The following PDXDC1 variants were observed in gnomAD, a reference collection of about 807,000 sequenced individuals.
PDXDC1 encodes pyridoxal-dependent decarboxylase domain-containing protein 1.
In PDXDC1, 42 loss-of-function variants were observed where a neutral mutation model predicts 100.1. The ratio of observed to expected loss-of-function variants is 0.42; its 90% CI spans 0.33 to 0.54. The LOEUF (loss-of-function observed/expected upper bound fraction) is 0.54. PDXDC1 is among the 20% of genes least tolerant of loss of function. The pLI is 0.10. For synonymous variants in PDXDC1, 260 were observed against 371.7 expected (o/e 0.70, Z 3.46); for missense variants, 636 against 979.2 (o/e 0.65, Z 4.68).
chr16:14,989,116 TC>T (rs1970100175), intron 1 of PDXDC1: 4 of 1,614,172 alleles, frequency 2.5e-6, no homozygotes, highest in Middle Eastern at 1.6e-4. Flanking sequence ...TCAGTGATCT[TC>T]ATTTCCACTC....
chr16:15,028,952 G>C lies in PDXDC1; in HGVS notation c.1279G>C (p.Ala427Pro), dbSNP rs376738752. ...GVGRERHSCD[A>P]LNRWLGEQLK... is the part of the protein sequence containing the mutation. ...CGGCCGGGAGAGGCACTCGTGTGAC[G>C]CGCTGAATCGCTGGGTGAGAATGGC... Residue 427 changes from alanine (A) to proline (P), a missense_variant, in exon 15 of 23, where the codon GCG (alanine) becomes CCG (proline). Ala to Pro is a conservative substitution (Grantham distance 27, BLOSUM62 -1). Transcript: ENST00000396410. The C allele has an allele frequency of 9.9e-6, 16 of 1,612,996 alleles. No individual in the cohort carries two copies. The African/African-American group carries it at 2.1e-4, about 22-fold the overall frequency.
At chr16:14,983,166 A>C (rs1469316870) in intron 1 of PDXDC1, among the ~76,000 whole-genome samples, 1 of 152,286 alleles carries the variant, frequency 6.6e-6, no homozygotes, top group Admixed American at 6.5e-5. Flanking sequence ...CTGAAAAAAA[A>C]ACTTTGTTGA....
intron 15 of PDXDC1, 70 bp from the exon 16 acceptor site, chr16:15,029,881 G>A (rs2042927131): frequency 1.4e-6 from 2 of 1,413,180 alleles, no homozygotes; most frequent in Admixed American, 2.0e-5. Context: ...GGGCCGAGGG[G>A]ATGAGGGTGG....
intron 16 of PDXDC1, among the ~76,000 whole-genome samples, chr16:15,069,286 G>A (rs1272313885): frequency 1.3e-5 from 2 of 152,142 alleles, no homozygotes; most frequent in Non-Finnish European, 2.9e-5. Context: ...CTACAGTGCA[G>A]AGGACAGCCC....
intron 16 of PDXDC1, among the ~76,000 whole-genome samples, chr16:15,050,147 GTGTT>G (rs767650714): frequency 3.9e-5 from 6 of 152,292 alleles, no homozygotes; most frequent in South Asian, 2.1e-4. Context: ...AATAATCTGA[GTGTT>G]TGTACACACT....
chr16:15,106,628 A>G (rs1288465675), intron 16 of PDXDC1, among the ~76,000 whole-genome samples: 3 of 148,784 alleles, frequency 2.0e-5, no homozygotes, highest in South Asian at 2.2e-4. Context: ...GGTGGCAGGC[A>G]CCTGTAAGCC....
intron 4 of PDXDC1, among the ~76,000 whole-genome samples, chr16:15,003,065 T>C (rs1834163515): frequency 6.6e-6 from 1 of 152,250 alleles, no homozygotes; most frequent in Non-Finnish European, 1.5e-5. Flanking sequence ...TTTACAGTTA[T>C]TCTTTATAAG....
Position 14,999,326 on chromosome 16 carries a change from CAA to C in PDXDC1, c.161+923_161+924del, listed in dbSNP as rs1464207419. Among the ~76,000 whole-genome samples the C allele has an allele frequency of 7.9e-5, 12 of 152,346 alleles. No homozygotes were observed. The East Asian group carries it at 2.1e-3, about 27-fold the overall frequency. ...AGGTGATCCGCCTGCCTTAGCCTCTCAAAGTGCTGGGACTACAGGCATAAGCC... is the reference window on the plus strand; with the variant it reads ...AGGTGATCCGCCTGCCTTAGCCTCTCAGTGCTGGGACTACAGGCATAAGCC... On this transcript the variant is annotated intron_variant, in intron 3 of 22. Transcript: ENST00000396410.
Position 15,076,423 on chromosome 16 carries a change from T to C in PDXDC1, c.1399+46367T>C, listed in dbSNP as rs372773659. ...AAATGACATGGCAGCAAATTACTCA[T>C]ATAAGGAATCGTTTTCAAGTTTGCT... On this transcript the variant is annotated intron_variant, in intron 16 of 16. Transcript: ENST00000535621. The C allele has an allele frequency of 3.4e-5, 24 of 705,204 alleles. 1 individual carries two copies. Among genetic ancestry groups the C allele is most frequent in the Admixed American group, 2.3e-4 (11 of 47,286 alleles). The allele number at this position is 705,204 out of a possible 1,614,324, so 43.7% of individuals were successfully genotyped here. A position where few individuals can be genotyped will look rare whatever the true frequency, so the allele number is the denominator to read the frequency against.
chr16:15,000,516 G>A (rs1179023516), intron 3 of PDXDC1, among the ~76,000 whole-genome samples: 2 of 152,274 alleles, frequency 1.3e-5, no homozygotes, highest in African/African-American at 4.8e-5. Flanking sequence ...TTTTGATGGC[G>A]CTTCCTTTGT....
chr16:15,050,710 T>A (rs2044260300), intron 16 of PDXDC1, among the ~76,000 whole-genome samples: 1 of 151,566 alleles, frequency 6.6e-6, no homozygotes, highest in Non-Finnish European at 1.5e-5. Context: ...CCAGCCTGGG[T>A]GACAGACCAA....
the PDXDC1 span, among the ~76,000 whole-genome samples, chr16:15,148,077 C>T: frequency 6.6e-6 from 1 of 151,676 alleles, no homozygotes; most frequent in African/African-American, 2.4e-5. Flanking sequence ...CAGTCTCAAC[C>T]TCATAGACTC....
intron 1 of PDXDC1, among the ~76,000 whole-genome samples, chr16:14,980,307 T>A (rs1967664090): frequency 6.6e-6 from 1 of 152,278 alleles, no homozygotes; most frequent in South Asian, 2.1e-4. Context: ...TATAATTTTT[T>A]TTTTTTGAGA....
intron 16 of PDXDC1, chr16:15,123,641 T>G (rs2047549666): frequency 1.7e-6 from 1 of 571,980 alleles, no homozygotes; most frequent in East Asian, 2.8e-5. Context: ...TAACCTGACT[T>G]ATTTTGTTCC....
At chr16:15,151,946 A>C in the PDXDC1 span, among the ~76,000 whole-genome samples, 3 of 142,084 alleles carry the variant, frequency 2.1e-5, no homozygotes, top group South Asian at 4.4e-4. Flanking sequence ...AAAAAAAAAA[A>C]AAAAAAACAC....
chr16:15,145,088 C>A, the PDXDC1 span, among the ~76,000 whole-genome samples: 1 of 152,200 alleles, frequency 6.6e-6, no homozygotes, highest in Admixed American at 6.5e-5. Flanking sequence ...AGAGGCCCTC[C>A]TCCTCCCCCA....
At chr16:15,073,201 C>T in intron 16 of PDXDC1, 1 of 1,133,184 alleles carries the variant, frequency 8.8e-7, no homozygotes, top group Non-Finnish European at 1.3e-6. Context: ...CACAGTGGCT[C>T]CTGCCTGCAA....
intron 16 of PDXDC1, chr16:15,092,664 T>G: frequency 8.5e-7 from 1 of 1,169,742 alleles, no homozygotes; most frequent in Non-Finnish European, 1.3e-6. Context: ...ATAATAAAAA[T>G]TATAATAGCC....
chr16:15,092,380 CTAT>C (rs1287970570), intron 16 of PDXDC1: 23 of 677,158 alleles, frequency 3.4e-5, no homozygotes, highest in Admixed American at 2.5e-4. Flanking sequence ...CGGCATCATG[CTAT>C]TATTAAATAT....
Sources: allele counts gnomAD v4.1 joint callset (sites outside exome capture counted in the v4.1 genomes callset), GRCh38; gene constraint gnomAD v4.1.1; transcripts MANE v1.5; gene names NCBI Gene and HGNC (gene_info 2026-07-23, HGNC 2026-07-21).